The following RAB38 variants were observed in gnomAD, a reference collection of about 807,000 sequenced individuals.
The protein encoded by RAB38 is RAB38, member RAS oncogene family, also known as ras-related protein Rab-38.
A neutral mutation model predicts 18.4 loss-of-function variants in RAB38; 15 were observed. The observed-to-expected ratio is 0.82, with a 90% CI of 0.55 to 1.26. RAB38 has a LOEUF of 1.26. RAB38 is among the 50% of genes most tolerant of loss of function. The pLI is 0.00. For missense variants in RAB38, 294 were observed against 267.4 expected, an observed-to-expected ratio of 1.10 and a Z score of -0.69; for synonymous variants, 101 against 104.4, an observed-to-expected ratio of 0.97 and a Z score of 0.20.
chr11:87,805,604 TACACACACACACACACACGCAC>T, the RAB38 span, among the ~76,000 whole-genome samples: 1 of 145,412 alleles, frequency 6.9e-6, no homozygotes, highest in Admixed American at 6.9e-5. Context: ...GAGAAAACAC[TACACACACACACACACACGCAC>T]ACACACACAC....
At chr11:88,008,725 G>C in the RAB38 span, among the ~76,000 whole-genome samples, 1 of 152,208 alleles carries the variant, frequency 6.6e-6, no homozygotes, top group South Asian at 2.1e-4. Context: ...CCAGGCTGGA[G>C]TGCAGTGGCG....
At chr11:87,862,741 T>C in the RAB38 span, among the ~76,000 whole-genome samples, 27 of 151,930 alleles carry the variant, frequency 1.8e-4, no homozygotes, top group Non-Finnish European at 3.8e-4. Flanking sequence ...ATATCACATA[T>C]AAACCTTGAC....
the RAB38 span, among the ~76,000 whole-genome samples, chr11:87,932,301 AAG>A: frequency 1.5e-4 from 23 of 152,200 alleles, no homozygotes; most frequent in African/African-American, 5.3e-4. Flanking sequence ...TTTTTAAAAA[AAG>A]AGAGAGAGAT....
chr11:87,959,625 C>T, the RAB38 span, among the ~76,000 whole-genome samples: 1 of 152,172 alleles, frequency 6.6e-6, no homozygotes, highest in East Asian at 1.9e-4. Flanking sequence ...CAGCCTCCCA[C>T]CAGTTATAGC....
At chr11:87,925,347 A>T in the RAB38 span, among the ~76,000 whole-genome samples, 1 of 152,052 alleles carries the variant, frequency 6.6e-6, no homozygotes, top group African/African-American at 2.4e-5. Context: ...TTTTTCTACG[A>T]ATATTTACCA....
At chr11:88,044,063 C>T in the RAB38 span, among the ~76,000 whole-genome samples, 3 of 152,144 alleles carry the variant, frequency 2.0e-5, no homozygotes, top group Admixed American at 6.5e-5. Context: ...AATTTCAGTT[C>T]CTTTCCTTTT....
the RAB38 span, among the ~76,000 whole-genome samples, chr11:87,810,681 C>A: frequency 1.3e-5 from 2 of 151,754 alleles, no homozygotes; most frequent in Non-Finnish European, 2.9e-5. Context: ...GTGGTAGGGG[C>A]AAAGTTCTAT....
chr11:87,938,437 CA>C, the RAB38 span, among the ~76,000 whole-genome samples: 162 of 152,168 alleles, frequency 1.1e-3, no homozygotes, highest in African/African-American at 3.7e-3. Flanking sequence ...GGCACTACCC[CA>C]GCAGGGTTGT....
chr11:88,107,794 G>A, the RAB38 span, among the ~76,000 whole-genome samples: 6 of 152,130 alleles, frequency 3.9e-5, no homozygotes, highest in African/African-American at 9.7e-5. Flanking sequence ...CTTTAGCCAT[G>A]TCCCAGAGAT....
chr11:87,929,888 A>C, the RAB38 span, among the ~76,000 whole-genome samples: 18 of 152,118 alleles, frequency 1.2e-4, no homozygotes, highest in Non-Finnish European at 2.4e-4. Context: ...TACAAAGGAC[A>C]TGAACTCATC....
the RAB38 span, among the ~76,000 whole-genome samples, chr11:87,913,842 TTCTGTGTGACAC>T: frequency 3.9e-5 from 6 of 152,126 alleles, no homozygotes; most frequent in Non-Finnish European, 8.8e-5. Context: ...GCTCAGCCCC[TTCTGTGTGACAC>T]TCTGTGCTAC....
chr11:88,016,492 C>T, the RAB38 span, among the ~76,000 whole-genome samples: 1 of 152,032 alleles, frequency 6.6e-6, no homozygotes, highest in Non-Finnish European at 1.5e-5. Flanking sequence ...TAACTTCTTC[C>T]TGGGGGAACA....
chr11:87,805,611 A>ACACACACATG, the RAB38 span, among the ~76,000 whole-genome samples: 1 of 146,348 alleles, frequency 6.8e-6, no homozygotes, highest in African/African-American at 2.6e-5. Context: ...CACTACACAC[A>ACACACACATG]CACACACACA....
At chr11:88,167,894 T>C (rs1235111569) in intron 1 of RAB38, among the ~76,000 whole-genome samples, 1 of 152,172 alleles carries the variant, frequency 6.6e-6, no homozygotes, top group Non-Finnish European at 1.5e-5. Context: ...ATAGGTCCAC[T>C]GTATTCTTCT....
chr11:88,098,088 G>A, the RAB38 span: 1 of 151,814 alleles, frequency 6.6e-6, no homozygotes, highest in African/African-American at 2.4e-5. Flanking sequence ...AGCTGAGGTA[G>A]AGATGCAGTA....
the RAB38 span, among the ~76,000 whole-genome samples, chr11:87,893,577 G>A: frequency 2.0e-5 from 3 of 151,018 alleles, no homozygotes; most frequent in African/African-American, 7.3e-5. Context: ...TGGTTCAGTA[G>A]TGTTAAGTAT....
At chr11:87,821,062 C>A in the RAB38 span, among the ~76,000 whole-genome samples, 3 of 152,144 alleles carry the variant, frequency 2.0e-5, no homozygotes, top group South Asian at 6.2e-4. Flanking sequence ...GGAACAGAAG[C>A]AATATTGGAA....
the RAB38 span, among the ~76,000 whole-genome samples, chr11:87,812,852 T>C: frequency 6.6e-6 from 1 of 152,192 alleles, no homozygotes; most frequent in Non-Finnish European, 1.5e-5. Flanking sequence ...TAGAGAAATA[T>C]AGCCTATCAT....
At chr11:88,120,793 G>A (rs532735221) in intron 2 of RAB38, among the ~76,000 whole-genome samples, 25 of 151,930 alleles carry the variant, frequency 1.6e-4, no homozygotes, top group African/African-American at 5.8e-4. Context: ...ATACCTCCTA[G>A]GTCTCCCCGC....
Sources: allele counts gnomAD v4.1 joint callset (sites outside exome capture counted in the v4.1 genomes callset), GRCh38; gene constraint gnomAD v4.1.1; transcripts MANE v1.5; gene names NCBI Gene and HGNC (gene_info 2026-07-23, HGNC 2026-07-21).